Variants in HEMK2 observed in about 807,000 individuals in gnomAD.
HEMK2 encodes the protein HemK methyltransferase 2, ETF1 glutamine and histone H4 lysine.
At chr21:28,790,617 C>T in the HEMK2 span, among the ~76,000 whole-genome samples, 11 of 151,984 alleles carry the variant, frequency 7.2e-5, no homozygotes, top group Non-Finnish European at 1.5e-4. Flanking sequence ...AGTAAGGGAT[C>T]TATCCATAGT....
the HEMK2 span, among the ~76,000 whole-genome samples, chr21:28,637,176 C>G: frequency 6.6e-6 from 1 of 152,046 alleles, no homozygotes; most frequent in Non-Finnish European, 1.5e-5. Context: ...ACTGACTCAG[C>G]CTTGCCACAA....
the HEMK2 span, chr21:28,882,256 A>C: frequency 6.2e-7 from 1 of 1,607,370 alleles, no homozygotes; most frequent in Non-Finnish European, 8.5e-7. Flanking sequence ...TGCACCTATA[A>C]ACAGAAATGG....
chr21:28,588,449 A>G, the HEMK2 span, among the ~76,000 whole-genome samples: 1 of 152,150 alleles, frequency 6.6e-6, no homozygotes, highest in Admixed American at 6.5e-5. Context: ...AAAATTTCAA[A>G]GTTTGTCATC....
the HEMK2 span, among the ~76,000 whole-genome samples, chr21:28,670,306 T>C: frequency 6.6e-6 from 1 of 152,322 alleles, no homozygotes; most frequent in Admixed American, 6.5e-5. Context: ...CTGTCCCACA[T>C]GATTAAAAAT....
At chr21:28,772,899 C>T in the HEMK2 span, among the ~76,000 whole-genome samples, 1 of 152,134 alleles carries the variant, frequency 6.6e-6, no homozygotes, top group Non-Finnish European at 1.5e-5. Flanking sequence ...GGAAAGACAG[C>T]ATGTTATTCA....
chr21:28,722,619 C>T, the HEMK2 span, among the ~76,000 whole-genome samples: 4 of 152,100 alleles, frequency 2.6e-5, no homozygotes, highest in Middle Eastern at 3.2e-3. Flanking sequence ...CGGTGGCTCA[C>T]GCCTGTAATC....
At chr21:28,616,720 T>C in the HEMK2 span, among the ~76,000 whole-genome samples, 2 of 152,220 alleles carry the variant, frequency 1.3e-5, no homozygotes, top group Admixed American at 1.3e-4. Flanking sequence ...AGATTGAATA[T>C]TGCCAGTTCC....
chr21:28,597,684 T>C, the HEMK2 span, among the ~76,000 whole-genome samples: 1 of 152,150 alleles, frequency 6.6e-6, no homozygotes, highest in Non-Finnish European at 1.5e-5. Context: ...CCAAGGACAC[T>C]TATCAGAAAG....
the HEMK2 span, among the ~76,000 whole-genome samples, chr21:28,584,191 C>T: frequency 3.3e-5 from 5 of 152,136 alleles, no homozygotes; most frequent in Non-Finnish European, 7.4e-5. Flanking sequence ...TTCTTACCCT[C>T]GTAAGAATAA....
At chr21:28,842,142 T>C in the HEMK2 span, among the ~76,000 whole-genome samples, 6 of 152,296 alleles carry the variant, frequency 3.9e-5, no homozygotes, top group African/African-American at 9.6e-5. Context: ...TCCCAAAGGA[T>C]AATTGTGAAG....
the HEMK2 span, among the ~76,000 whole-genome samples, chr21:28,614,766 G>A: frequency 1.3e-4 from 20 of 152,206 alleles, no homozygotes; most frequent in African/African-American, 7.2e-5. Context: ...TAGCACAAAC[G>A]CCTCCACATG....
At chr21:28,579,346 T>C in the HEMK2 span, among the ~76,000 whole-genome samples, 1 of 152,216 alleles carries the variant, frequency 6.6e-6, no homozygotes, top group South Asian at 2.1e-4. Context: ...TTAAGATATA[T>C]AATTGTATAT....
At chr21:28,831,301 CT>C in the HEMK2 span, among the ~76,000 whole-genome samples, 1 of 151,206 alleles carries the variant, frequency 6.6e-6, no homozygotes, top group African/African-American at 2.4e-5. Context: ...CAAAAATTAG[CT>C]GGGCGTGGTA....
chr21:28,841,077 ATTATATATT>A, the HEMK2 span, among the ~76,000 whole-genome samples: 1 of 41,862 alleles, frequency 2.4e-5, no homozygotes, highest in South Asian at 5.4e-4. Flanking sequence ...AATATTATAT[ATTATATATT>A]ATATATATTA....
the HEMK2 span, among the ~76,000 whole-genome samples, chr21:28,826,008 C>T: frequency 2.0e-5 from 3 of 152,228 alleles, no homozygotes; most frequent in Non-Finnish European, 2.9e-5. Flanking sequence ...AACCTATAGC[C>T]TTCAAGAGAG....
the HEMK2 span, among the ~76,000 whole-genome samples, chr21:28,697,942 G>A: frequency 2.6e-5 from 4 of 152,074 alleles, no homozygotes; most frequent in African/African-American, 9.7e-5. Context: ...CAAGATCAGG[G>A]CAGATTCAGT....
At chr21:28,878,103 C>A in the HEMK2 span, 1 of 1,158,014 alleles carries the variant, frequency 8.6e-7, no homozygotes. Context: ...ATTAACATGC[C>A]AGGTTATCTT....
chr21:28,871,015 TCTC>T, the HEMK2 span, among the ~76,000 whole-genome samples: 2 of 152,326 alleles, frequency 1.3e-5, no homozygotes, highest in East Asian at 3.9e-4. Flanking sequence ...GCCTTTTTGG[TCTC>T]CTTGATGTAG....
At chr21:28,719,871 C>A in the HEMK2 span, among the ~76,000 whole-genome samples, 1 of 152,200 alleles carries the variant, frequency 6.6e-6, no homozygotes, top group African/African-American at 2.4e-5. Context: ...GCTTTCATGG[C>A]CATTCACAGA....
Sources: gnomAD v4.1 joint callset for allele counts (sites outside exome capture counted in the v4.1 genomes callset) on GRCh38, gnomAD v4.1.1 for gene constraint, MANE v1.5 for transcripts, NCBI Gene and HGNC (gene_info 2026-07-23, HGNC 2026-07-21) for gene names.